RHBDL2: variants seen among roughly 807,000 people sequenced by gnomAD.
The protein encoded by RHBDL2 is rhomboid like 2.
RHBDL2 carries 26 observed loss-of-function variants against 31.7 expected under a neutral mutation model. That is an observed-to-expected ratio of 0.82 (90% confidence interval 0.60 to 1.14). The LOEUF (loss-of-function observed/expected upper bound fraction) is 1.14. RHBDL2 is among the 50% of genes most tolerant of loss of function. The probability of loss-of-function intolerance (pLI) is 0.00; values close to 1 mark genes in which losing one functional copy is unlikely to be tolerated. For missense variants in RHBDL2, 336 were observed against 364.4 expected (o/e 0.92, Z 0.63); for synonymous variants, 123 against 127.2 (o/e 0.97, Z 0.22).
intron 1 of RHBDL2, among the ~76,000 whole-genome samples, chr1:38,934,715 TG>T (rs1413961534): frequency 6.6e-6 from 1 of 150,396 alleles, no homozygotes; most frequent in African/African-American, 2.5e-5. Flanking sequence ...CCCAGCATTT[TG>T]GGGGGCCGAG....
intron 2 of RHBDL2, among the ~76,000 whole-genome samples, 176 bp from the exon 3 acceptor site, chr1:38,915,886 G>A (rs12058040): frequency 0.021 from 3,168 of 152,184 alleles, 119 homozygotes; most frequent in African/African-American, 0.072. Context: ...GGTTTCCACC[G>A]TACCCCACTT....
chr1:38,902,201 C>CCTT (rs1643000097), intron 4 of RHBDL2, among the ~76,000 whole-genome samples: 1 of 92,806 alleles, frequency 1.1e-5, no homozygotes, highest in Non-Finnish European at 2.0e-5. Context: ...TTTTCTTTTT[C>CCTT]TTTTTTTTTT....
chr1:38,941,014 C>A (rs1320802022), intron 1 of RHBDL2, among the ~76,000 whole-genome samples: 1 of 152,204 alleles, frequency 6.6e-6, no homozygotes, highest in African/African-American at 2.4e-5. Context: ...TGCTGCCCAC[C>A]AGCTTGTAGA....
intron 6 of RHBDL2, among the ~76,000 whole-genome samples, chr1:38,889,035 A>C (rs553761746): frequency 6.6e-6 from 1 of 152,126 alleles, no homozygotes; most frequent in African/African-American, 2.4e-5. Context: ...AAGGACTTCA[A>C]CCTTTACTGA....
At chr1:38,887,711 C>T (rs1257956707) in intron 7 of RHBDL2, among the ~76,000 whole-genome samples, 1 of 152,076 alleles carries the variant, frequency 6.6e-6, no homozygotes, top group Non-Finnish European at 1.5e-5. Flanking sequence ...GCATGAGCCA[C>T]CACGCCTGGC....
At position 38,927,307 on chromosome 1, in the gene RHBDL2, G is replaced by A. The variant is rs183012987; in HGVS notation, c.-125-7970C>T. Reference sequence around the variant, plus strand: ...CCGGGCGTGGTGGCGGGCGCCTGTAGTCCCAGCTACTCGGGAGGCTGAGGC... The same window carrying A: ...CCGGGCGTGGTGGCGGGCGCCTGTAATCCCAGCTACTCGGGAGGCTGAGGC... On this transcript the variant is annotated intron_variant, in intron 1 of 7. Coordinates refer to ENST00000372990, the MANE Select transcript of RHBDL2 (RefSeq NM_017821.5). 2.9e-3 allele frequency among the ~76,000 whole-genome samples: 444 copies of A among 151,996 alleles called. 3 individuals are homozygous for A. Among genetic ancestry groups the A allele is most frequent in the African/African-American group, 0.01 (425 of 41,442 alleles).
intron 4 of RHBDL2, among the ~76,000 whole-genome samples, chr1:38,899,253 C>T (rs1241375532): frequency 6.6e-6 from 1 of 152,160 alleles, no homozygotes; most frequent in Non-Finnish European, 1.5e-5. Flanking sequence ...TGCAGCAAGG[C>T]CCAGGTACCC....
intron 3 of RHBDL2, among the ~76,000 whole-genome samples, chr1:38,912,910 A>ATATATG (rs1399583863): frequency 7.3e-5 from 3 of 41,372 alleles, no homozygotes; most frequent in African/African-American, 2.8e-4. Flanking sequence ...ATATATATAT[A>ATATATG]TGTGTGTGTG....
At chr1:38,896,734 A>G (rs1004433802) in intron 4 of RHBDL2, among the ~76,000 whole-genome samples, 2 of 152,194 alleles carry the variant, frequency 1.3e-5, no homozygotes, top group Non-Finnish European at 2.9e-5. Flanking sequence ...CCTAATTGCT[A>G]ACCTAATCCT....
chr1:38,926,297 G>T, intron 1 of RHBDL2: 2 of 815,264 alleles, frequency 2.5e-6, no homozygotes, highest in Non-Finnish European at 3.0e-6. Context: ...TCCAACGCCA[G>T]CTGTGGCTGT....
At chr1:38,920,676 G>T (rs570104993) in intron 1 of RHBDL2, among the ~76,000 whole-genome samples, 1 of 146,374 alleles carries the variant, frequency 6.8e-6, no homozygotes, top group Non-Finnish European at 1.5e-5. Flanking sequence ...GTGTGATCTC[G>T]GCTCACTGCA....
At chr1:38,900,725 C>CA (rs1458057703) in intron 4 of RHBDL2, among the ~76,000 whole-genome samples, 2 of 151,064 alleles carry the variant, frequency 1.3e-5, no homozygotes, top group East Asian at 1.9e-4. Flanking sequence ...GACTCTGTCT[C>CA]AAAAAAAATA....
chr1:38,915,072 C>A (rs1297786499), intron 3 of RHBDL2, among the ~76,000 whole-genome samples: 1 of 151,362 alleles, frequency 6.6e-6, no homozygotes, highest in Admixed American at 6.6e-5. Flanking sequence ...TTAGAGTTAG[C>A]ACTAGTGGGC....
At chr1:38,897,391 C>T (rs1642932440) in intron 4 of RHBDL2, among the ~76,000 whole-genome samples, 1 of 152,084 alleles carries the variant, frequency 6.6e-6, no homozygotes, top group South Asian at 2.1e-4. Context: ...TGAGCCATTG[C>T]GCCCGGCCTA....
At chr1:38,893,043 C>G in intron 6 of RHBDL2, 121 bp downstream of exon 6, 1 of 575,254 alleles carries the variant, frequency 1.7e-6, no homozygotes, top group South Asian at 2.8e-5. Flanking sequence ...CCATAGACCT[C>G]CCAGGTCTGT....
In RHBDL2 at chr1:38,889,035, A is replaced by G. The variant is rs553761746; in HGVS notation, c.671-1011T>C. 8.9e-4 allele frequency among the ~76,000 whole-genome samples: 135 copies of G among 152,244 alleles called. 1 individual carries two copies. The South Asian group carries it at 0.018, about 20-fold the overall frequency. ...TATATGGGCCATTGTAAGGACTTCA[A>G]CCTTTACTGAGTGATAGGAAGTCTT... On this transcript the variant is annotated intron_variant, in intron 6 of 7. Transcript: ENST00000372990.
chr1:38,897,252 C>T (rs1642930324), intron 4 of RHBDL2, among the ~76,000 whole-genome samples: 1 of 152,122 alleles, frequency 6.6e-6, no homozygotes, highest in South Asian at 2.1e-4. Flanking sequence ...AGGCGCCCGC[C>T]ACCACGCCTG....
intron 4 of RHBDL2, among the ~76,000 whole-genome samples, chr1:38,907,671 T>C (rs895303980): frequency 1.3e-5 from 2 of 152,212 alleles, no homozygotes; most frequent in South Asian, 2.1e-4. Context: ...AGTTCGAGGC[T>C]GCAGGCTGCA....
At chr1:38,929,342 G>C in intron 1 of RHBDL2, 1 of 1,231,000 alleles carries the variant, frequency 8.1e-7, no homozygotes, top group African/African-American at 1.5e-5. Flanking sequence ...AAGCGTCCAG[G>C]ACGGGAAAAG....
Sources: allele counts gnomAD v4.1 joint callset (sites outside exome capture counted in the v4.1 genomes callset), GRCh38; gene constraint gnomAD v4.1.1; transcripts MANE v1.5; gene names NCBI Gene and HGNC (gene_info 2026-07-23, HGNC 2026-07-21).